The following ELOVL2 variants were observed in gnomAD, a reference collection of about 807,000 sequenced individuals.
ELOVL2 encodes ELOVL fatty acid elongase 2, also known as very long chain fatty acid elongase 2.
Under a neutral mutation model 37.7 loss-of-function variants are expected in ELOVL2, and 38 were observed. That is an observed-to-expected ratio of 1.01 (90% CI 0.78 to 1.32). The LOEUF (loss-of-function observed/expected upper bound fraction) is 1.32. ELOVL2 is among the 40% of genes most tolerant of loss of function. The pLI is 0.00. For synonymous variants in ELOVL2, 115 were observed against 122.3 expected, an observed-to-expected ratio of 0.94 and a Z score of 0.40; for missense variants, 352 against 363.6, an observed-to-expected ratio of 0.97 and a Z score of 0.26.
At chr6:11,029,029 T>C (rs1387823152) in intron 1 of ELOVL2, among the ~76,000 whole-genome samples, 1 of 124,066 alleles carries the variant, frequency 8.1e-6, no homozygotes, top group Non-Finnish European at 1.6e-5. Context: ...AGCATGAGCC[T>C]GGGCAACACG....
chr6:11,002,608 G>T (rs577741081), intron 3 of ELOVL2, among the ~76,000 whole-genome samples: 1 of 152,316 alleles, frequency 6.6e-6, no homozygotes, highest in African/African-American at 2.4e-5. Context: ...TGGGTAAGCA[G>T]TAGATAAAAT....
intron 5 of ELOVL2, among the ~76,000 whole-genome samples, chr6:10,992,163 ATTCT>A (rs1351748471): frequency 3.9e-5 from 6 of 152,212 alleles, no homozygotes; most frequent in South Asian, 2.1e-4. Context: ...ACAGAGATCA[ATTCT>A]TTCTTTCTTC....
Position 11,010,758 on chromosome 6 carries a change from A to C in ELOVL2, c.55T>G (p.Phe19Val), listed in dbSNP as rs763123009. The C allele has an allele frequency of 6.2e-7, 1 of 1,613,116 alleles. No individual in the cohort carries two copies. Among genetic ancestry groups the C allele is most frequent in the East Asian group, 2.2e-5 (1 of 44,876 alleles). Residue 19 changes from phenylalanine to valine, a missense_variant, in exon 2 of 8, where the codon TTT becomes GTT. Phe to Val is a conservative substitution (Grantham distance 50). Transcript: ENST00000354666. ...GTAATTCACTGACCTCGCGGTCCAA[A>C]CATATTGTCCAAAAAAGCATTGATT... is the stretch of plus-strand genomic sequence containing the variant. ...DEINAFLDNM[F>V]GPRDSRVRGW...
intron 2 of ELOVL2, 70 bp from the exon 3 acceptor site, chr6:11,005,629 T>A: frequency 7.6e-7 from 1 of 1,321,738 alleles, no homozygotes; most frequent in Non-Finnish European, 1.1e-6. Flanking sequence ...TATTGTCACA[T>A]ACATTGCATT....
At chr6:10,988,904 C>T (rs139888160) in intron 7 of ELOVL2, among the ~76,000 whole-genome samples, 31 of 152,290 alleles carry the variant, frequency 2.0e-4, no homozygotes, top group African/African-American at 6.5e-4. Context: ...GACGTCGGTG[C>T]GGCCTTTCCA....
In ELOVL2 at chr6:11,044,199, T is replaced by C; in HGVS notation, c.3+29A>G. On this transcript the variant is annotated intron_variant, in intron 1 of 7. Transcript: ENST00000354666. This position sits in a 1 kb window ranked among gnomAD's most constrained non-coding sequence, Gnocchi z 5.6. ...CCAGGAGAGAAAGAAAGCGCGGCGG[T>C]GTCGGTGGCGGCGCGCGGCCCCACT... The C allele has an allele frequency of 6.9e-7, 1 of 1,449,522 alleles. No individual in the cohort carries two copies. Among genetic ancestry groups the C allele is most frequent in the Non-Finnish European group, 9.1e-7 (1 of 1,099,842 alleles). The allele number at this position is 1,449,522 out of a possible 1,614,324, so 89.8% of individuals were successfully genotyped here. A position where few individuals can be genotyped will look rare whatever the true frequency, so the allele number is the denominator to read the frequency against.
rs545343407 is a variant in ELOVL2 at position 11,026,041 on chromosome 6, T to C, written c.4-15232A>G. Among the ~76,000 whole-genome samples the C allele has an allele frequency of 2.6e-5, 4 of 152,256 alleles. No individual in the cohort carries two copies. In the East Asian group the frequency reaches 7.7e-4, roughly 29 times the overall value. ...TGGTGAGAAACATTCCTGAGTTTCC[T>C]AAGCAGATAAGCCATCAAGCTTTCA... is the stretch of plus-strand genomic sequence containing the variant. On this transcript the variant is annotated intron_variant, in intron 1 of 7. Coordinates refer to ENST00000354666, the MANE Select transcript of ELOVL2 (RefSeq NM_017770.4).
chr6:10,995,161 C>T lies in ELOVL2; in HGVS notation c.351G>A (p.Trp117Ter). Reference protein sequence around the residue: ...EADIRVAKVLWWYYFSKSVEF... With the variant: ...EADIRVAKVL ...CTACTGATTTGGAGAAATAGTACCA[C>T]CAAAGCACCTTGGCTACCTATAGAA... Residue 117 changes from tryptophan (W) to a stop codon, truncating the protein, a stop_gained, in exon 5 of 8, where the codon TGG (tryptophan) becomes TGA (stop). Transcript: ENST00000354666. LOFTEE classifies it high-confidence loss of function. The T allele has an allele frequency of 6.2e-7, 1 of 1,607,884 alleles. No homozygotes were observed. The highest frequency in any genetic ancestry group is 8.5e-7 in the Non-Finnish European group (1 of 1,177,498).
At chr6:11,031,320 G>A (rs918127788) in intron 1 of ELOVL2, among the ~76,000 whole-genome samples, 1 of 152,052 alleles carries the variant, frequency 6.6e-6, no homozygotes, top group African/African-American at 2.4e-5. Context: ...GCTACATTGG[G>A]GAATACATTT....
At chr6:10,999,380 C>CT (rs34899380) in intron 4 of ELOVL2, among the ~76,000 whole-genome samples, 74,064 of 142,462 alleles carry the variant, frequency 0.52, 19,681 homozygotes, top group East Asian at 0.9. Context: ...AAAGGAAATG[C>CT]TTTTTTTTTT....
At chr6:11,043,866 G>A (rs1247159204) in intron 1 of ELOVL2, 1 of 203,552 alleles carries the variant, frequency 4.9e-6, no homozygotes, top group African/African-American at 2.3e-5. Flanking sequence ...CTGCGCGCGG[G>A]AATGGCCGCC....
intron 7 of ELOVL2, among the ~76,000 whole-genome samples, chr6:10,985,295 C>T (rs1239572130): frequency 6.6e-6 from 1 of 151,766 alleles, no homozygotes; most frequent in African/African-American, 2.4e-5. Context: ...TGAAAATTTT[C>T]TCCCATTCTG....
At chr6:11,001,875 A>G (rs1782389502) in intron 3 of ELOVL2, among the ~76,000 whole-genome samples, 1 of 152,212 alleles carries the variant, frequency 6.6e-6, no homozygotes, top group Admixed American at 6.5e-5. Context: ...GGTGTGGACT[A>G]AATCACTTCA....
chr6:10,998,075 T>C (rs539858085), intron 4 of ELOVL2, among the ~76,000 whole-genome samples: 4 of 152,280 alleles, frequency 2.6e-5, no homozygotes, highest in Admixed American at 1.3e-4. Flanking sequence ...TGAAAGAGTC[T>C]GGGACCTCCT....
intron 1 of ELOVL2, among the ~76,000 whole-genome samples, chr6:11,039,419 T>C (rs1238946965): frequency 6.6e-6 from 1 of 152,216 alleles, no homozygotes; most frequent in East Asian, 1.9e-4. Context: ...TATTAATCAG[T>C]TCCATGATAT....
At chr6:11,005,897 A>C (rs1268500550) in intron 2 of ELOVL2, among the ~76,000 whole-genome samples, 1 of 151,726 alleles carries the variant, frequency 6.6e-6, no homozygotes. Context: ...ATGCAATTTT[A>C]TGGATGGAAA....
In ELOVL2 at chr6:10,983,122, T is replaced by A. The variant is rs1309395499; in HGVS notation, c.*659A>T. The A allele has an allele frequency of 6.6e-6, 1 of 152,178 alleles. No individual in the cohort carries two copies. Among genetic ancestry groups the A allele is most frequent in the African/African-American group, 2.4e-5 (1 of 41,448 alleles). 9.4% of individuals were successfully genotyped at this position (152,178 alleles called of 1,614,324 possible). ...AATTATGAAAATCTTGCAGAAGCAT[T>A]TTTTTCTCCTTAGAATAACTAATAT... On this transcript the variant is annotated 3_prime_UTR_variant, in exon 8 of 8. Coordinates refer to ENST00000354666, the MANE Select transcript of ELOVL2 (RefSeq NM_017770.4).
At position 10,989,819 on chromosome 6, in the gene ELOVL2, T is replaced by C; in HGVS notation, c.649A>G (p.Ile217Val). ...ACGACGGCGCTCATGGTGTGCGTGATGGTGAGCACGAACTGCACCTGGGGA... is the reference window on the plus strand; with the variant it reads ...ACGACGGCGCTCATGGTGTGCGTGACGGTGAGCACGAACTGCACCTGGGGA... ...QAQLVQFVLTITHTMSAVVKP... is the reference protein window; with the variant it reads ...QAQLVQFVLTVTHTMSAVVKP... Residue 217 changes from isoleucine (I) to valine (V), a missense_variant, in exon 7 of 8, where the codon ATC (isoleucine) becomes GTC (valine). Ile to Val is a conservative substitution (Grantham distance 29, BLOSUM62 3). Transcript: ENST00000354666. The C allele has an allele frequency of 6.2e-7, 1 of 1,614,172 alleles. No homozygotes were observed. The highest frequency in any genetic ancestry group is 8.5e-7 in the Non-Finnish European group (1 of 1,180,026).
chr6:11,041,121 T>C (rs559572796), intron 1 of ELOVL2, among the ~76,000 whole-genome samples: 2 of 152,348 alleles, frequency 1.3e-5, no homozygotes, highest in East Asian at 1.9e-4. Flanking sequence ...TTTCACCACA[T>C]TGGGCCATTA....
Sources: gnomAD v4.1 joint callset for allele counts (sites outside exome capture counted in the v4.1 genomes callset) on GRCh38, gnomAD v4.1.1 for gene constraint, Gnocchi (gnomAD v3.1) non-coding constraint, MANE v1.5 for transcripts, NCBI Gene and HGNC (gene_info 2026-07-23, HGNC 2026-07-21) for gene names.